CALN1: variants seen among roughly 807,000 people sequenced by gnomAD.
CALN1 encodes the protein calneuron 1, also known as calcium-binding protein 8.
Under a neutral mutation model 30.6 loss-of-function variants are expected in CALN1, and 17 were observed. The ratio of observed to expected loss-of-function variants is 0.56; its 90% CI spans 0.38 to 0.83. CALN1 has a LOEUF of 0.83. Among genes scored for constraint, CALN1 ranks in the 40% least tolerant of loss-of-function variants. The pLI is 0.00. For synonymous variants in CALN1, 156 were observed against 131.4 expected, an observed-to-expected ratio of 1.19 and a Z score of -1.28; for missense variants, 291 against 354.9, an observed-to-expected ratio of 0.82 and a Z score of 1.45.
At chr7:72,124,585 G>T (rs1032311444) in intron 3 of CALN1, among the ~76,000 whole-genome samples, 15 of 152,102 alleles carry the variant, frequency 9.9e-5, no homozygotes, top group Non-Finnish European at 1.9e-4. Flanking sequence ...CCAGAAGTTT[G>T]AGGCTGCAGT....
intron 5 of CALN1, among the ~76,000 whole-genome samples, chr7:71,828,412 T>C (rs1437495782): frequency 6.6e-6 from 1 of 152,058 alleles, no homozygotes; most frequent in African/African-American, 2.4e-5. Context: ...GGTGCAAAGA[T>C]TCGCCTGGAT....
intron 2 of CALN1, among the ~76,000 whole-genome samples, chr7:72,376,292 A>G (rs1286400395): frequency 1.3e-5 from 2 of 152,106 alleles, no homozygotes; most frequent in South Asian, 2.1e-4. Flanking sequence ...TGGTAACTCT[A>G]TGTTTACCCT....
intron 6 of CALN1, among the ~76,000 whole-genome samples, chr7:71,804,296 G>A (rs372073625): frequency 9.2e-5 from 14 of 152,138 alleles, no homozygotes; most frequent in Admixed American, 7.2e-4. Context: ...ATCACTTGAA[G>A]CTATGAGTTC....
At chr7:71,869,948 C>T (rs1178299978) in intron 5 of CALN1, among the ~76,000 whole-genome samples, 1 of 152,134 alleles carries the variant, frequency 6.6e-6, no homozygotes, top group Non-Finnish European at 1.5e-5. Context: ...CTGGAATTAC[C>T]AAAACCAAGA....
intron 1 of CALN1, among the ~76,000 whole-genome samples, chr7:72,435,894 A>C (rs1299777806): frequency 1.3e-5 from 2 of 152,214 alleles, no homozygotes; most frequent in Non-Finnish European, 2.9e-5. Flanking sequence ...CTGAGTGCCA[A>C]GATAATGGAA....
At chr7:72,406,901 C>T (rs369128829) in intron 1 of CALN1, among the ~76,000 whole-genome samples, 1 of 152,130 alleles carries the variant, frequency 6.6e-6, no homozygotes, top group African/African-American at 2.4e-5. Context: ...CAGACATGAG[C>T]CACCGCGCCA....
chr7:72,096,627 G>C (rs1489134741), intron 4 of CALN1, among the ~76,000 whole-genome samples: 1 of 152,176 alleles, frequency 6.6e-6, no homozygotes, highest in Non-Finnish European at 1.5e-5. Context: ...TTTCAGGAAA[G>C]CATTTGCAAA....
intron 1 of CALN1, among the ~76,000 whole-genome samples, chr7:72,418,210 A>G (rs1282214159): frequency 1.3e-5 from 2 of 151,692 alleles, no homozygotes; most frequent in Non-Finnish European, 2.9e-5. Flanking sequence ...AAGTGAGAAC[A>G]TGCAGTATTT....
chr7:71,786,514 G>A lies in CALN1; in HGVS notation c.*1261C>T, dbSNP rs936728990. On this transcript the variant is annotated 3_prime_UTR_variant, in exon 7 of 7. Coordinates refer to ENST00000395275, the MANE Select transcript of CALN1 (RefSeq NM_031468.4). ...TTCCCCAACGAAAAGTATTCTGCAG[G>A]CAGGAGTAAATTACCTGTTCTGTTG... The A allele has an allele frequency of 6.6e-6, 1 of 152,144 alleles. No homozygotes were observed. The highest frequency in any genetic ancestry group is 6.5e-5 in the Admixed American group (1 of 15,268). The allele number at this position is 152,144 out of a possible 1,614,324, so 9.4% of individuals were successfully genotyped here. A position where few individuals can be genotyped will look rare whatever the true frequency, so the allele number is the denominator to read the frequency against.
chr7:71,911,463 G>C (rs1794420753), intron 5 of CALN1, among the ~76,000 whole-genome samples: 1 of 151,954 alleles, frequency 6.6e-6, no homozygotes, highest in Admixed American at 6.6e-5. Flanking sequence ...GACCAGTTGG[G>C]GTCCTTTATT....
intron 3 of CALN1, among the ~76,000 whole-genome samples, chr7:72,252,207 ACTATCTTG>A (rs1795608531): frequency 6.6e-6 from 1 of 152,084 alleles, no homozygotes; most frequent in African/African-American, 2.4e-5. Context: ...GATTGAGCCA[ACTATCTTG>A]CTAGTCCTCC....
At chr7:72,461,131 G>A in the CALN1 span, among the ~76,000 whole-genome samples, 13 of 152,230 alleles carry the variant, frequency 8.5e-5, no homozygotes, top group South Asian at 4.2e-4. Context: ...AGCATGAACC[G>A]GACCCACGAA....
At chr7:72,455,083 G>A in the CALN1 span, among the ~76,000 whole-genome samples, 4 of 151,978 alleles carry the variant, frequency 2.6e-5, no homozygotes, top group African/African-American at 9.7e-5. Flanking sequence ...CGCACACCTT[G>A]GCCTCCCAAA....
intron 3 of CALN1, among the ~76,000 whole-genome samples, chr7:72,254,924 G>A (rs1319757399): frequency 2.7e-5 from 4 of 150,874 alleles, no homozygotes; most frequent in South Asian, 2.1e-4. Context: ...GCACCACCAC[G>A]CCCAGCTAAT....
chr7:72,334,364 C>T (rs1801868373), intron 2 of CALN1, among the ~76,000 whole-genome samples: 1 of 152,200 alleles, frequency 6.6e-6, no homozygotes, highest in South Asian at 2.1e-4. Context: ...ATATCCCACC[C>T]TGGCTGGTGA....
At chr7:71,857,371 G>T (rs1791018470) in intron 5 of CALN1, among the ~76,000 whole-genome samples, 1 of 152,174 alleles carries the variant, frequency 6.6e-6, no homozygotes, top group Non-Finnish European at 1.5e-5. Flanking sequence ...TATAGGGAAT[G>T]TGTCAGACCC....
chr7:72,387,912 C>T (rs944264081), intron 2 of CALN1, among the ~76,000 whole-genome samples: 18 of 152,088 alleles, frequency 1.2e-4, no homozygotes, highest in Non-Finnish European at 2.1e-4. Context: ...TAGGGAGAGG[C>T]TGGTTGGTAT....
the CALN1 span, among the ~76,000 whole-genome samples, chr7:72,486,517 G>C: frequency 6.6e-6 from 1 of 151,918 alleles, no homozygotes; most frequent in African/African-American, 2.4e-5. Context: ...GATTACAGGT[G>C]CATGCCACCA....
chr7:72,378,535 C>G (rs1056224289), intron 2 of CALN1, among the ~76,000 whole-genome samples: 1 of 152,186 alleles, frequency 6.6e-6, no homozygotes, highest in Non-Finnish European at 1.5e-5. Flanking sequence ...ATGTCACTCT[C>G]TAGTTAATCA....
Sources: allele counts gnomAD v4.1 joint callset (sites outside exome capture counted in the v4.1 genomes callset), GRCh38; gene constraint gnomAD v4.1.1; transcripts MANE v1.5; gene names NCBI Gene and HGNC (gene_info 2026-07-23, HGNC 2026-07-21).